The following PIK3CB variants were observed in gnomAD, a reference collection of about 807,000 sequenced individuals.
PIK3CB encodes phosphatidylinositol 4,5-bisphosphate 3-kinase catalytic subunit beta isoform.
Under a neutral mutation model 136.8 loss-of-function variants are expected in PIK3CB, and 39 were observed. The observed-to-expected ratio is 0.29, with a 90% CI of 0.22 to 0.37. The LOEUF is 0.37. Ranked by LOEUF, PIK3CB falls within the 10% of genes least tolerant of loss-of-function variation. PIK3CB has a pLI of 1.00. For synonymous variants in PIK3CB, 428 were observed against 436.6 expected, an observed-to-expected ratio of 0.98 and a Z score of 0.25; for missense variants, 868 against 1,275.4, an observed-to-expected ratio of 0.68 and a Z score of 4.87.
intron 1 of PIK3CB, among the ~76,000 whole-genome samples, chr3:138,832,016 G>T (rs2108940310): frequency 6.6e-6 from 1 of 152,320 alleles, no homozygotes; most frequent in East Asian, 1.9e-4. Context: ...ACCAAGAGGT[G>T]ACTTCTGACT....
At chr3:138,810,479 T>C (rs1191354304) in intron 1 of PIK3CB, among the ~76,000 whole-genome samples, 2 of 151,572 alleles carry the variant, frequency 1.3e-5, no homozygotes, top group Non-Finnish European at 2.9e-5. Context: ...GTCAGAAAAA[T>C]GGCACTTTAC....
At chr3:138,690,283 GAGAA>G (rs545225337) in intron 15 of PIK3CB, among the ~76,000 whole-genome samples, 1 of 149,534 alleles carries the variant, frequency 6.7e-6, no homozygotes, top group Non-Finnish European at 1.5e-5. Context: ...AGGAGAAAGA[GAGAA>G]AGAAAGAAAA....
At chr3:138,739,751 A>C (rs1156672316) in intron 5 of PIK3CB, among the ~76,000 whole-genome samples, 1 of 149,858 alleles carries the variant, frequency 6.7e-6, no homozygotes, top group African/African-American at 2.5e-5. Flanking sequence ...AAATATAAAA[A>C]ATTAGCCAGG....
At chr3:138,772,275 C>G (rs2045808828) in intron 2 of PIK3CB, among the ~76,000 whole-genome samples, 3 of 152,172 alleles carry the variant, frequency 2.0e-5, no homozygotes, top group East Asian at 1.9e-4. Flanking sequence ...AGGAAAGACA[C>G]TCATACAGTT....
intron 1 of PIK3CB, among the ~76,000 whole-genome samples, chr3:138,819,550 A>G (rs1284750618): frequency 6.6e-6 from 1 of 152,200 alleles, no homozygotes; most frequent in Non-Finnish European, 1.5e-5. Context: ...GTTAGGATTT[A>G]GGCAATGGTT....
At chr3:138,831,642 T>C (rs1371110061) in intron 1 of PIK3CB, among the ~76,000 whole-genome samples, 1 of 151,342 alleles carries the variant, frequency 6.6e-6, no homozygotes, top group African/African-American at 2.4e-5. Context: ...ATTTATTTAT[T>C]GGGGCCAGGC....
At chr3:138,801,264 A>C (rs1205631818) in intron 1 of PIK3CB, among the ~76,000 whole-genome samples, 1 of 152,196 alleles carries the variant, frequency 6.6e-6, no homozygotes, top group Admixed American at 6.6e-5. Context: ...ACGATAATCT[A>C]CACAGGAATG....
rs193236106 is a variant in PIK3CB, at chr3:138,671,925, G to A, written c.2505-6722C>T. Among the ~76,000 whole-genome samples the A allele has an allele frequency of 7.4e-4, 112 of 152,318 alleles. 2 individuals are homozygous for A. Among genetic ancestry groups the A allele is most frequent in the Admixed American group, 7.3e-3 (111 of 15,300 alleles). On this transcript the variant is annotated intron_variant, in intron 19 of 23. Coordinates refer to ENST00000674063, the MANE Select transcript of PIK3CB (RefSeq NM_006219.3). ...GATAGGGTGGGCACATGAAGAAAAA[G>A]TGGAGAGAAAGGGGAAGGGGTGTCT...
At chr3:138,740,122 C>T (rs927157690) in intron 5 of PIK3CB, among the ~76,000 whole-genome samples, 3 of 151,700 alleles carry the variant, frequency 2.0e-5, no homozygotes, top group African/African-American at 4.8e-5. Flanking sequence ...CCTTGGGAGG[C>T]CAAAGCGGGT....
intron 7 of PIK3CB, among the ~76,000 whole-genome samples, chr3:138,734,067 G>C (rs1384076929): frequency 6.6e-6 from 1 of 152,008 alleles, no homozygotes; most frequent in Non-Finnish European, 1.5e-5. Flanking sequence ...CATCATCAAG[G>C]AGTAGTTCAA....
Position 138,705,177 on chromosome 3 carries a change from AAAACAAAACAAAC to A in PIK3CB, c.1531-697_1531-685del, listed in dbSNP as rs1559828662. ...AGGCAAAAAAAAAAAAAAAAAACAA[AAAACAAAACAAAC>A]AAAAAAAAAAACTTATATTTGCAAA... On this transcript the variant is annotated intron_variant, in intron 11 of 23. Transcript: ENST00000674063. Among the ~76,000 whole-genome samples, 407 of 87,580 alleles carry A rather than the reference AAAACAAAACAAAC, an allele frequency of 4.6e-3. 83 individuals carry two copies. The highest frequency in any genetic ancestry group is 0.022 in the East Asian group (39 of 1,768). The allele number at this position is 87,580 out of a possible 152,430, so 57.5% of individuals were successfully genotyped here.
intron 12 of PIK3CB, among the ~76,000 whole-genome samples, chr3:138,704,062 G>A (rs536338140): frequency 6.6e-6 from 1 of 152,320 alleles, no homozygotes; most frequent in African/African-American, 2.4e-5. Flanking sequence ...TAAGATGGAA[G>A]AAATTTGGGT....
chr3:138,726,994 TG>T (rs2044853553), intron 8 of PIK3CB, among the ~76,000 whole-genome samples: 2 of 151,754 alleles, frequency 1.3e-5, no homozygotes, highest in African/African-American at 4.8e-5. Context: ...AAGGCTGCAG[TG>T]AGCCGTGTTT....
intron 11 of PIK3CB, among the ~76,000 whole-genome samples, chr3:138,705,199 A>AAAAAAAAAAAAAAAAAT: frequency 7.0e-6 from 1 of 143,260 alleles, no homozygotes; most frequent in Admixed American, 7.2e-5. Flanking sequence ...ACAAAAAAAA[A>AAAAAAAAAAAAAAAAAT]AACTTATATT....
intron 16 of PIK3CB, among the ~76,000 whole-genome samples, chr3:138,687,134 T>G (rs2108495815): frequency 6.6e-6 from 1 of 152,260 alleles, no homozygotes; most frequent in Non-Finnish European, 1.5e-5. Flanking sequence ...GTCTAATACT[T>G]TAAGTGTTTC....
chr3:138,715,482 T>C (rs2044588423), intron 8 of PIK3CB, among the ~76,000 whole-genome samples: 1 of 152,202 alleles, frequency 6.6e-6, no homozygotes, highest in African/African-American at 2.4e-5. Context: ...GATGTGATAC[T>C]AGCACACAAT....
At position 138,737,758 on chromosome 3, in the gene PIK3CB, G is replaced by A. The variant is rs890611959; in HGVS notation, c.750C>T (p.Val250=). Residue 250 remains valine (V), a synonymous_variant, in exon 6 of 24, where the codon GTC becomes GTT. Coordinates refer to ENST00000674063, the MANE Select transcript of PIK3CB (RefSeq NM_006219.3). ...EVSPYDYVLQ[V]SGRVEYVFGD... is the part of the protein sequence containing the mutation. ...CAAAAACATATTCTACTCTCCCGCTGACTTGCAACACATAATCATAGGGGC... is the reference window on the plus strand; with the variant it reads ...CAAAAACATATTCTACTCTCCCGCTAACTTGCAACACATAATCATAGGGGC... The A allele has an allele frequency of 1.9e-6, 3 of 1,611,688 alleles. 1 individual carries two copies. The Admixed American group carries it at 5.0e-5, about 27-fold the overall frequency.
chr3:138,724,592 C>T (rs373142661), intron 8 of PIK3CB, among the ~76,000 whole-genome samples: 1 of 152,182 alleles, frequency 6.6e-6, no homozygotes, highest in Admixed American at 6.5e-5. Flanking sequence ...GTTTCTCTGG[C>T]AACCGGCTCC....
intron 4 of PIK3CB, among the ~76,000 whole-genome samples, chr3:138,745,822 A>C (rs956106868): frequency 6.6e-6 from 1 of 152,180 alleles, no homozygotes; most frequent in African/African-American, 2.4e-5. Flanking sequence ...AGTGTATCAC[A>C]AACTAGTCTG....
Sources: gnomAD v4.1 joint callset for allele counts (sites outside exome capture counted in the v4.1 genomes callset) on GRCh38, gnomAD v4.1.1 for gene constraint, MANE v1.5 for transcripts, NCBI Gene and HGNC (gene_info 2026-07-23, HGNC 2026-07-21) for gene names.